CDC27: variants seen among roughly 807,000 people sequenced by gnomAD.
The protein encoded by CDC27 is cell division cycle 27.
Under a neutral mutation model 109.7 loss-of-function variants are expected in CDC27, and 27 were observed. The observed-to-expected ratio is 0.25, with a 90% CI of 0.18 to 0.34. The LOEUF (loss-of-function observed/expected upper bound fraction) is 0.34. CDC27 is among the 10% of genes least tolerant of loss of function. The probability of loss-of-function intolerance (pLI) is 1.00; values close to 1 mark genes in which losing one functional copy is unlikely to be tolerated. For missense variants in CDC27, 579 were observed against 960.2 expected (o/e 0.60, Z 5.25); for synonymous variants, 266 against 333.9 (o/e 0.80, Z 2.22).
At chr17:47,142,958 G>A (rs968332870) in intron 10 of CDC27, among the ~76,000 whole-genome samples, 1 of 152,056 alleles carries the variant, frequency 6.6e-6, no homozygotes, top group Non-Finnish European at 1.5e-5. Flanking sequence ...TTACAGGCAT[G>A]AGCCACCGTG....
At chr17:47,129,249 T>A in intron 16 of CDC27, 144 bp downstream of exon 16, 1 of 654,058 alleles carries the variant, frequency 1.5e-6, no homozygotes, top group Non-Finnish European at 2.6e-6. Context: ...CATGAAGACA[T>A]AAAAATCACA....
intron 3 of CDC27, 65 bp from the exon 4 acceptor site, chr17:47,170,107 C>A: frequency 7.9e-7 from 1 of 1,262,908 alleles, no homozygotes; most frequent in South Asian, 2.0e-5. Flanking sequence ...TAAACATATT[C>A]TTCATTACCA....
At chr17:47,153,795 A>C (rs2063217651) in intron 8 of CDC27, among the ~76,000 whole-genome samples, 1 of 152,194 alleles carries the variant, frequency 6.6e-6, no homozygotes, top group Admixed American at 6.6e-5. Context: ...TTATAAAACA[A>C]GAGCCTCAGC....
chr17:47,138,277 T>C (rs1040292654), intron 13 of CDC27, among the ~76,000 whole-genome samples: 1 of 152,018 alleles, frequency 6.6e-6, no homozygotes, highest in Non-Finnish European at 1.5e-5. Flanking sequence ...ATAATGGGAG[T>C]TGACTGTGTT....
chr17:47,166,699 CTG>C (rs1487183118), intron 4 of CDC27, among the ~76,000 whole-genome samples: 4 of 152,122 alleles, frequency 2.6e-5, no homozygotes, highest in Admixed American at 2.0e-4. Flanking sequence ...AGAGTTGAAA[CTG>C]TTCTTTTATA....
At chr17:47,160,220 T>C (rs2063457363) in intron 4 of CDC27, among the ~76,000 whole-genome samples, 1 of 150,336 alleles carries the variant, frequency 6.7e-6, no homozygotes, top group Non-Finnish European at 1.5e-5. Flanking sequence ...CATTGCTGCC[T>C]CTCTAGCTTT....
chr17:47,152,585 TA>T (rs2063183161), intron 8 of CDC27, among the ~76,000 whole-genome samples: 1 of 152,196 alleles, frequency 6.6e-6, no homozygotes, highest in Non-Finnish European at 1.5e-5. Flanking sequence ...CTAGCTTCTT[TA>T]AATGATCTAT....
intron 18 of CDC27, among the ~76,000 whole-genome samples, chr17:47,121,855 T>G (rs545149417): frequency 1.3e-5 from 2 of 152,096 alleles, no homozygotes; most frequent in Admixed American, 1.3e-4. Context: ...TTCTCCTGTC[T>G]CAGCCTCCCG....
chr17:47,151,123 A>T (rs2063139438), intron 9 of CDC27, among the ~76,000 whole-genome samples: 1 of 152,210 alleles, frequency 6.6e-6, no homozygotes, highest in Non-Finnish European at 1.5e-5. Context: ...TTTACATATA[A>T]TGTTGCTTTG....
At chr17:47,147,096 C>T (rs1417566208) in intron 9 of CDC27, among the ~76,000 whole-genome samples, 1 of 152,056 alleles carries the variant, frequency 6.6e-6, no homozygotes, top group African/African-American at 2.4e-5. Context: ...TAATAACTGA[C>T]ATCCAATTAA....
At chr17:47,144,646 T>C (rs779903185) in intron 9 of CDC27, among the ~76,000 whole-genome samples, 4 of 152,188 alleles carry the variant, frequency 2.6e-5, no homozygotes, top group Non-Finnish European at 4.4e-5. Context: ...GATATGAGAA[T>C]TTCAATCTTA....
chr17:47,132,417 T>C (rs2062372344), intron 14 of CDC27, 43 bp from the exon 15 acceptor site: 1 of 979,524 alleles, frequency 1.0e-6, no homozygotes, highest in South Asian at 1.7e-5. Flanking sequence ...ATATAAAGTT[T>C]AGGTTGCTAA....
At chr17:47,151,970 T>C in intron 8 of CDC27, 52 bp from the exon 9 acceptor site, 1 of 1,519,884 alleles carries the variant, frequency 6.6e-7, no homozygotes, top group Non-Finnish European at 8.8e-7. Flanking sequence ...GCACTGTAAA[T>C]GATAAAAGAC....
intron 17 of CDC27, among the ~76,000 whole-genome samples, chr17:47,123,555 C>T (rs1373047859): frequency 6.6e-6 from 1 of 151,924 alleles, no homozygotes; most frequent in Non-Finnish European, 1.5e-5. Flanking sequence ...GGATTACAGG[C>T]ATGTGTCACC....
At chr17:47,178,307 G>A (rs565543351) in intron 2 of CDC27, among the ~76,000 whole-genome samples, 1 of 152,128 alleles carries the variant, frequency 6.6e-6, no homozygotes, top group African/African-American at 2.4e-5. Flanking sequence ...AGACGGAGGT[G>A]GGAGGACTGC....
chr17:47,136,058 C>T (rs1173876920), intron 14 of CDC27, among the ~76,000 whole-genome samples: 15 of 152,092 alleles, frequency 9.9e-5, no homozygotes, highest in African/African-American at 3.6e-4. Flanking sequence ...AGGAGAATGG[C>T]GTGAACCTGG....
chr17:47,173,730 G>C (rs1384841429), intron 2 of CDC27, among the ~76,000 whole-genome samples: 1 of 152,148 alleles, frequency 6.6e-6, no homozygotes, highest in East Asian at 1.9e-4. Flanking sequence ...TTAGCTTTTT[G>C]AAGCATAGTA....
chr17:47,143,776 T>G (rs1170406692), intron 10 of CDC27, 107 bp downstream of exon 10: 3 of 412,118 alleles, frequency 7.3e-6, no homozygotes, highest in Non-Finnish European at 1.3e-5. Context: ...ATTTTAAAAT[T>G]CGAAATAGTC....
At chr17:47,132,206 A>G in intron 15 of CDC27, 51 bp downstream of exon 15, 2 of 848,796 alleles carry the variant, frequency 2.4e-6, no homozygotes, top group Non-Finnish European at 3.7e-6. Flanking sequence ...AATAACAAAC[A>G]TATTTCAAAA....
Sources: allele counts gnomAD v4.1 joint callset (sites outside exome capture counted in the v4.1 genomes callset), GRCh38; gene constraint gnomAD v4.1.1; transcripts MANE v1.5; gene names NCBI Gene and HGNC (gene_info 2026-07-23, HGNC 2026-07-21).